The following ZNF732 variants were observed in gnomAD, a reference collection of about 807,000 sequenced individuals.
ZNF732 encodes zinc finger protein LOC654254.
In ZNF732, 12 loss-of-function variants were observed where a neutral mutation model predicts 11.5. The ratio of observed to expected loss-of-function variants is 1.05; its 90% CI spans 0.67 to 1.70. The LOEUF (loss-of-function observed/expected upper bound fraction) is 1.70, where lower values mean the gene tolerates loss of function less well. Ranked by LOEUF, ZNF732 falls within the 40% of genes most tolerant of loss-of-function variation. The pLI is 0.00. For missense variants in ZNF732, 702 were observed against 676.9 expected, an observed-to-expected ratio of 1.04 and a Z score of -0.41; for synonymous variants, 231 against 236.5, an observed-to-expected ratio of 0.98 and a Z score of 0.21.
At chr4:295,415 C>T in intron 3 of ZNF732, 23 bp downstream of exon 3, 1 of 1,584,040 alleles carries the variant, frequency 6.3e-7, no homozygotes, top group Non-Finnish European at 8.6e-7. Flanking sequence ...CCTGTGTCCT[C>T]TCCTTCATTC....
Position 287,655 on chromosome 4 carries a change from T to A in ZNF732, c.226+7783A>T, listed in dbSNP as rs182170198. Among the ~76,000 whole-genome samples the A allele has an allele frequency of 2.6e-3, 399 of 152,048 alleles. 3 individuals are homozygous for A. Among genetic ancestry groups the A allele is most frequent in the Non-Finnish European group, 4.4e-3 (298 of 67,986 alleles). On this transcript the variant is annotated intron_variant, in intron 3 of 3. Transcript: ENST00000419098. ...GTTTGAAAAATATATATATATATTT[T>A]TTTTTGAGATGGAGTCTCGCTCTGT... is the stretch of plus-strand genomic sequence containing the variant.
chr4:303,341 CTT>C (rs1553843858), intron 1 of ZNF732, among the ~76,000 whole-genome samples: 19 of 152,148 alleles, frequency 1.2e-4, no homozygotes, highest in Non-Finnish European at 5.9e-5. Context: ...TAAACGGACT[CTT>C]AATTCATCTC....
chr4:279,016 G>C (rs184175452), intron 3 of ZNF732, among the ~76,000 whole-genome samples: 69 of 152,188 alleles, frequency 4.5e-4, no homozygotes, highest in Admixed American at 4.5e-3. Context: ...TGGGATAAAG[G>C]TTGTTTACCC....
At chr4:277,055 G>C (rs146796656) in intron 3 of ZNF732, among the ~76,000 whole-genome samples, 3 of 152,108 alleles carry the variant, frequency 2.0e-5, no homozygotes, top group Admixed American at 6.5e-5. Flanking sequence ...GAAAAAGACA[G>C]TCTTTTCAAT....
At chr4:287,653 T>A (rs13112393) in intron 3 of ZNF732, among the ~76,000 whole-genome samples, 3,993 of 151,494 alleles carry the variant, frequency 0.026, 84 homozygotes, top group East Asian at 0.069. Flanking sequence ...ATATATATAT[T>A]TTTTTTTGAG....
chr4:300,589 G>A (rs1231055458), intron 1 of ZNF732, among the ~76,000 whole-genome samples: 1 of 152,082 alleles, frequency 6.6e-6, no homozygotes, highest in Non-Finnish European at 1.5e-5. Flanking sequence ...CACATCACTG[G>A]GTCTGATCAT....
At chr4:304,966 G>C (rs902276830) in intron 1 of ZNF732, among the ~76,000 whole-genome samples, 1 of 152,174 alleles carries the variant, frequency 6.6e-6, no homozygotes, top group African/African-American at 2.4e-5. Flanking sequence ...ATCTTATTCC[G>C]AACAGGGTAA....
intron 3 of ZNF732, among the ~76,000 whole-genome samples, chr4:285,509 T>C (rs1297608626): frequency 6.6e-6 from 1 of 152,156 alleles, no homozygotes; most frequent in Non-Finnish European, 1.5e-5. Context: ...AGCTTTGTCA[T>C]GGGAGAAGTG....
chr4:293,695 GTTC>G (rs554179827), intron 3 of ZNF732, among the ~76,000 whole-genome samples: 72 of 152,050 alleles, frequency 4.7e-4, no homozygotes, highest in African/African-American at 1.5e-3. Flanking sequence ...GGCCTTAAGT[GTTC>G]TTATTACCAA....
intron 1 of ZNF732, among the ~76,000 whole-genome samples, chr4:304,572 C>T (rs527299742): frequency 1.3e-5 from 2 of 152,144 alleles, no homozygotes; most frequent in East Asian, 3.9e-4. Flanking sequence ...AGCTGCCCCC[C>T]CCCTGCAGAC....
intron 1 of ZNF732, among the ~76,000 whole-genome samples, chr4:297,609 A>T (rs932370038): frequency 0.11 from 1,137 of 10,108 alleles, 15 homozygotes; most frequent in African/African-American, 0.21. Flanking sequence ...AAGATTTGTA[A>T]AAAAAAAAAA....
chr4:299,902 C>T (rs1720077425), intron 1 of ZNF732, among the ~76,000 whole-genome samples: 1 of 143,320 alleles, frequency 7.0e-6, no homozygotes, highest in Non-Finnish European at 1.5e-5. Flanking sequence ...CGGGGTTTCA[C>T]CATGTTGGCC....
At chr4:284,755 C>T (rs1403321953) in intron 3 of ZNF732, among the ~76,000 whole-genome samples, 1 of 150,910 alleles carries the variant, frequency 6.6e-6, no homozygotes, top group Non-Finnish European at 1.5e-5. Flanking sequence ...CTTGTAAACC[C>T]AGCTACTCGG....
At position 271,406 on chromosome 4, in the gene ZNF732, A is replaced by C. The variant is rs201614981; in HGVS notation, c.1451T>G (p.Leu484Ter). The change falls in exon 4 of 4, where the codon TTA (leucine) becomes TGA (stop). Residue 484 changes from leucine to a stop codon, truncating the protein, a stop_gained. Transcript: ENST00000419098. LOFTEE classifies it low-confidence loss of function (END_TRUNC). ...YRCEECGKAF[L>*]CSRALNKHKT... is the part of the protein sequence containing the mutation. Reference sequence around the variant, plus strand: ...ATGTTTATTCAGGGCTCTGGAACATAAAAAGGCTTTGCCACACTCTTCACA... The same window carrying C: ...ATGTTTATTCAGGGCTCTGGAACATCAAAAGGCTTTGCCACACTCTTCACA... 1,571 of 1,579,276 alleles carry C rather than the reference A, an allele frequency of 9.9e-4. 11 individuals carry two copies. Among genetic ancestry groups the C allele is most frequent in the Middle Eastern group, 9.1e-3 (54 of 5,930 alleles).
intron 1 of ZNF732, among the ~76,000 whole-genome samples, chr4:298,799 C>T (rs1720017127): frequency 6.6e-6 from 1 of 152,172 alleles, no homozygotes. Flanking sequence ...CTACTCTACT[C>T]CAGTAAGAGT....
chr4:299,407 A>G (rs1300731313), intron 1 of ZNF732, among the ~76,000 whole-genome samples: 24 of 64,490 alleles, frequency 3.7e-4, no homozygotes, highest in Non-Finnish European at 6.8e-4. Context: ...ATATGTGTAT[A>G]TATATATACA....
chr4:297,097 G>A (rs1319676938), intron 1 of ZNF732, among the ~76,000 whole-genome samples: 1 of 151,984 alleles, frequency 6.6e-6, no homozygotes, highest in Non-Finnish European at 1.5e-5. Flanking sequence ...GTGAAACCCT[G>A]TCTCTACTAA....
chr4:290,419 C>T (rs1719819454), intron 3 of ZNF732, among the ~76,000 whole-genome samples: 1 of 152,232 alleles, frequency 6.6e-6, no homozygotes, highest in Non-Finnish European at 1.5e-5. Context: ...AAGACACAGC[C>T]AGCAATGGCC....
chr4:283,106 T>A (rs1719649731), intron 3 of ZNF732, among the ~76,000 whole-genome samples: 1 of 152,100 alleles, frequency 6.6e-6, no homozygotes, highest in South Asian at 2.1e-4. Context: ...CATGAGAGGA[T>A]CAGTATCATT....
Sources: gnomAD v4.1 joint callset for allele counts (sites outside exome capture counted in the v4.1 genomes callset) on GRCh38, gnomAD v4.1.1 for gene constraint, MANE v1.5 for transcripts, NCBI Gene and HGNC (gene_info 2026-07-23, HGNC 2026-07-21) for gene names.